Variants in XKR7 observed in about 807,000 individuals in gnomAD.
The protein encoded by XKR7 is XK-related protein 7.
XKR7 carries 11 observed loss-of-function variants against 42.2 expected under a neutral mutation model. The observed-to-expected ratio is 0.26, with a 90% confidence interval of 0.16 to 0.43. The LOEUF (loss-of-function observed/expected upper bound fraction) is 0.43. Ranked by LOEUF, XKR7 falls within the 20% of genes least tolerant of loss-of-function variation. XKR7 has a pLI of 1.00. For synonymous variants in XKR7, 346 were observed against 366.4 expected, an observed-to-expected ratio of 0.94 and a Z score of 0.64; for missense variants, 710 against 802.2, an observed-to-expected ratio of 0.89 and a Z score of 1.39.
At chr20:31,975,573 A>G (rs188255535) in intron 1 of XKR7, among the ~76,000 whole-genome samples, 21 of 152,062 alleles carry the variant, frequency 1.4e-4, no homozygotes, top group African/African-American at 5.1e-4. Context: ...CACTCACTCA[A>G]CCAGGCAAAA....
intron 1 of XKR7, among the ~76,000 whole-genome samples, chr20:31,977,006 T>A (rs146553737): frequency 6.6e-6 from 1 of 152,232 alleles, no homozygotes; most frequent in East Asian, 1.9e-4. Flanking sequence ...ATGAAGCCAG[T>A]TGAAGCTGGC....
rs2064619487 is a variant in XKR7 at position 32,000,518 on chromosome 20, C to A, written c.*3061C>A. ...AGTGAGACCCAGAGAGGACCAAGGACTCACCAAAGGCCACACAGGAAGTCA... is the reference window on the plus strand; with the variant it reads ...AGTGAGACCCAGAGAGGACCAAGGAATCACCAAAGGCCACACAGGAAGTCA... On this transcript the variant is annotated 3_prime_UTR_variant, in exon 3 of 3. Coordinates refer to ENST00000562532, the MANE Select transcript of XKR7 (RefSeq NM_001011718.2). 1 of 152,450 alleles carries A rather than the reference C, an allele frequency of 6.6e-6. No homozygotes were observed. Among genetic ancestry groups the A allele is most frequent in the Non-Finnish European group, 1.5e-5 (1 of 68,242 alleles). The allele number at this position is 152,450 out of a possible 1,614,324, so 9.4% of individuals were successfully genotyped here.
intron 1 of XKR7, among the ~76,000 whole-genome samples, chr20:31,975,386 C>G (rs904116944): frequency 6.6e-6 from 1 of 152,118 alleles, no homozygotes; most frequent in African/African-American, 2.4e-5. Context: ...CTCCCCACCC[C>G]CTTGCTCTCC....
intron 1 of XKR7, among the ~76,000 whole-genome samples, chr20:31,977,381 C>A (rs1439830152): frequency 1.3e-5 from 2 of 152,122 alleles, no homozygotes; most frequent in Admixed American, 1.3e-4. Flanking sequence ...AGCAGAGTAG[C>A]TGAGAGCTTG....
chr20:31,984,783 G>A (rs1407940184), intron 1 of XKR7, among the ~76,000 whole-genome samples: 2 of 152,216 alleles, frequency 1.3e-5, no homozygotes, highest in African/African-American at 4.8e-5. Flanking sequence ...GTAGGCAGCC[G>A]AGGCAACAGG....
At chr20:31,975,677 C>A (rs1473980142) in intron 1 of XKR7, among the ~76,000 whole-genome samples, 2 of 120,560 alleles carry the variant, frequency 1.7e-5, no homozygotes, top group African/African-American at 6.3e-5. Context: ...ATAGAAAAGG[C>A]ATAAAGAGAT....
At position 31,983,608 on chromosome 20, in the gene XKR7, TTGTGTCCTCC is replaced by T. The variant is rs771495946; in HGVS notation, c.585-11457_585-11448del. On this transcript the variant is annotated intron_variant, in intron 1 of 2. Transcript: ENST00000562532. ...AGAGGGTCCCCGGGAGGGACAAAGG[TTGTGTCCTCC>T]TGGACCTCAAGGGTCATGGTGAAGA... is the stretch of plus-strand genomic sequence containing the variant. 1.9e-3 allele frequency among the ~76,000 whole-genome samples: 288 copies of T among 152,068 alleles called. 1 individual carries two copies. Among genetic ancestry groups the T allele is most frequent in the Non-Finnish European group, 2.2e-3 (150 of 67,976 alleles).
At chr20:31,987,750 G>A (rs2122270702) in intron 1 of XKR7, among the ~76,000 whole-genome samples, 1 of 152,360 alleles carries the variant, frequency 6.6e-6, no homozygotes, top group Non-Finnish European at 1.5e-5. Context: ...AGGATAGACA[G>A]GCTGTCTGGC....
rs571739799 is a variant in XKR7, at chr20:31,995,550, C to T, written c.787+280C>T. Reference sequence around the variant, plus strand: ...CCCCCCTGGGCGCTCCTGCCCTCCTCCCTTCCCCGTTGCCAGAGCCAACCA... The same window carrying T: ...CCCCCCTGGGCGCTCCTGCCCTCCTTCCTTCCCCGTTGCCAGAGCCAACCA... On this transcript the variant is annotated intron_variant, in intron 2 of 2. Transcript: ENST00000562532. The surrounding 1 kb of genome is among the most constrained non-coding windows in gnomAD (Gnocchi z 4.1). 7.9e-4 allele frequency among the ~76,000 whole-genome samples: 120 copies of T among 152,164 alleles called. No homozygotes were observed. The highest frequency in any genetic ancestry group is 1.3e-3 in the Non-Finnish European group (87 of 67,966).
chr20:31,975,803 TA>T (rs577276882), intron 1 of XKR7, among the ~76,000 whole-genome samples: 1 of 152,178 alleles, frequency 6.6e-6, no homozygotes, highest in Non-Finnish European at 1.5e-5. Flanking sequence ...TTCAGTTAGC[TA>T]AAAAAATGCA....
intron 1 of XKR7, among the ~76,000 whole-genome samples, chr20:31,986,782 A>T (rs1035887630): frequency 2.0e-3 from 274 of 138,586 alleles, no homozygotes; most frequent in Non-Finnish European, 2.4e-3. Context: ...AGCATCCAAG[A>T]CACAGACAGA....
At chr20:31,969,865 T>C (rs2064456383) in intron 1 of XKR7, among the ~76,000 whole-genome samples, 1 of 152,196 alleles carries the variant, frequency 6.6e-6, no homozygotes, top group South Asian at 2.1e-4. Context: ...TAAAGGGTGA[T>C]TACTGCTGTT....
At chr20:31,974,467 G>T (rs1191705119) in intron 1 of XKR7, among the ~76,000 whole-genome samples, 1 of 152,174 alleles carries the variant, frequency 6.6e-6, no homozygotes, top group African/African-American at 2.4e-5. Flanking sequence ...GTGATTTGGG[G>T]CAAGTGGCAT....
intron 1 of XKR7, among the ~76,000 whole-genome samples, chr20:31,989,593 G>C (rs80075471): frequency 0.026 from 3,967 of 152,232 alleles, 105 homozygotes; most frequent in Admixed American, 0.074. Context: ...GGTGGTAGCA[G>C]AGGAGACATG....
rs1244357657 is a variant in XKR7, at chr20:32,001,676, T to C, written c.*4219T>C. ...CTCATGGGGTTAGAGGCTGCTGGAGTCTTCTCCAGCTTGGGGGCCCCTGGT... is the reference window on the plus strand; with the variant it reads ...CTCATGGGGTTAGAGGCTGCTGGAGCCTTCTCCAGCTTGGGGGCCCCTGGT... On this transcript the variant is annotated 3_prime_UTR_variant, in exon 3 of 3. Coordinates refer to ENST00000562532, the MANE Select transcript of XKR7 (RefSeq NM_001011718.2). 1 of 151,802 alleles carries C rather than the reference T, an allele frequency of 6.6e-6. No homozygotes were observed. The highest frequency in any genetic ancestry group is 1.5e-5 in the Non-Finnish European group (1 of 67,986). The allele number at this position is 151,802 out of a possible 1,614,324, so 9.4% of individuals were successfully genotyped here. A position where few individuals can be genotyped will look rare whatever the true frequency, so the allele number is the denominator to read the frequency against.
rs1024561842 is a variant in XKR7, at chr20:32,003,044, G to A, written c.*5587G>A. 6.6e-6 allele frequency: 1 copy of A among 152,170 alleles called. No homozygotes were observed. The highest frequency in any genetic ancestry group is 1.5e-5 in the Non-Finnish European group (1 of 68,038). 9.4% of individuals were successfully genotyped at this position (152,170 alleles called of 1,614,324 possible). A position where few individuals can be genotyped will look rare whatever the true frequency, so the allele number is the denominator to read the frequency against. On this transcript the variant is annotated 3_prime_UTR_variant, in exon 3 of 3. Coordinates refer to ENST00000562532, the MANE Select transcript of XKR7 (RefSeq NM_001011718.2). ...CCCTGATCCTCCCCTCCATGCCCCT[G>A]GAACTCTAGGAATCACTAGCCATGC...
At chr20:31,981,691 A>G (rs2064513777) in intron 1 of XKR7, among the ~76,000 whole-genome samples, 1 of 152,170 alleles carries the variant, frequency 6.6e-6, no homozygotes, top group African/African-American at 2.4e-5. Flanking sequence ...GACTCTGTCT[A>G]AAAACAAACA....
At chr20:31,983,408 G>A (rs1009855140) in intron 1 of XKR7, among the ~76,000 whole-genome samples, 29 of 152,240 alleles carry the variant, frequency 1.9e-4, no homozygotes, top group African/African-American at 6.8e-4. Context: ...ACAGGCAGTG[G>A]TGAGGGGGAT....
At chr20:31,983,452 G>A (rs1424362604) in intron 1 of XKR7, among the ~76,000 whole-genome samples, 1 of 152,192 alleles carries the variant, frequency 6.6e-6, no homozygotes, top group East Asian at 1.9e-4. Context: ...GTGACATTGA[G>A]CTGAGATGGG....
Sources: allele counts gnomAD v4.1 joint callset (sites outside exome capture counted in the v4.1 genomes callset), GRCh38; gene constraint gnomAD v4.1.1; non-coding constraint Gnocchi (gnomAD v3.1); transcripts MANE v1.5; gene names NCBI Gene and HGNC (gene_info 2026-07-23, HGNC 2026-07-21).